Variants in DLG2 observed in about 807,000 individuals in gnomAD.
The protein encoded by DLG2 is disks large homolog 2.
In DLG2, 45 loss-of-function variants were observed where a neutral mutation model predicts 132.5. That is an observed-to-expected ratio of 0.34 (90% CI 0.27 to 0.44). The LOEUF (loss-of-function observed/expected upper bound fraction) is 0.44, where lower values mean the gene tolerates loss of function less well. Ranked by LOEUF, DLG2 falls within the 20% of genes least tolerant of loss-of-function variation. The probability of loss-of-function intolerance (pLI) is 1.00; values close to 1 mark genes in which losing one functional copy is unlikely to be tolerated. For synonymous variants in DLG2, 424 were observed against 419.6 expected (o/e 1.01, Z -0.13); for missense variants, 1,045 against 1,196.9 (o/e 0.87, Z 1.87).
chr11:84,541,986 AT>A (rs1380265457), intron 6 of DLG2, among the ~76,000 whole-genome samples: 1 of 152,192 alleles, frequency 6.6e-6, no homozygotes, highest in Non-Finnish European at 1.5e-5. Flanking sequence ...GGAAGATGGC[AT>A]TTTGCTGGCA....
intron 11 of DLG2, among the ~76,000 whole-genome samples, chr11:84,030,413 T>C (rs1353419053): frequency 1.3e-5 from 2 of 152,150 alleles, no homozygotes; most frequent in South Asian, 2.1e-4. Context: ...AGCTATGATA[T>C]ACAAGTTGAA....
Position 84,317,217 on chromosome 11 carries a change from T to C in DLG2, c.520-65926A>G. On this transcript the variant is annotated intron_variant, in intron 7 of 27. Coordinates refer to ENST00000376104, the MANE Select transcript of DLG2 (RefSeq NM_001142699.3). ...TGTCTCCTCCCTCACACCCCTTTCT[T>C]CCAGCCAGTTGTAAAAGTCTTTTTT... is the stretch of plus-strand genomic sequence containing the variant. The C allele has an allele frequency of 4.6e-6, 7 of 1,526,836 alleles. No individual in the cohort carries two copies. In the South Asian group the frequency reaches 9.0e-5, roughly 20 times the overall value. 94.6% of individuals were successfully genotyped at this position (1,526,836 alleles called of 1,614,324 possible). A position where few individuals can be genotyped will look rare whatever the true frequency, so the allele number is the denominator to read the frequency against.
intron 6 of DLG2, among the ~76,000 whole-genome samples, chr11:84,703,892 G>A (rs1453562692): frequency 3.8e-5 from 4 of 105,950 alleles, no homozygotes; most frequent in African/African-American, 1.6e-4. Context: ...ATACACGTGT[G>A]TGTGTGTGTG....
chr11:84,424,868 A>G (rs998555096), intron 7 of DLG2, among the ~76,000 whole-genome samples: 6 of 152,082 alleles, frequency 3.9e-5, no homozygotes, highest in Non-Finnish European at 8.8e-5. Flanking sequence ...AGGCATGATC[A>G]CAGAGCTCAA....
At chr11:85,027,173 C>CTTTTTTT (rs10571202) in intron 6 of DLG2, among the ~76,000 whole-genome samples, 6 of 69,366 alleles carry the variant, frequency 8.6e-5, no homozygotes, top group Admixed American at 1.9e-4. Context: ...AGTGTGGTCT[C>CTTTTTTT]TTTTTTTTTT....
chr11:84,298,922 G>A lies in DLG2; in HGVS notation c.520-47631C>T, dbSNP rs923499046. Among the ~76,000 whole-genome samples, 50 of 152,312 alleles carry A rather than the reference G, an allele frequency of 3.3e-4. 1 individual carries two copies. Among genetic ancestry groups the A allele is most frequent in the Non-Finnish European group, 1.6e-4 (11 of 68,028 alleles). On this transcript the variant is annotated intron_variant, in intron 7 of 27. Coordinates refer to ENST00000376104, the MANE Select transcript of DLG2 (RefSeq NM_001142699.3). The stretch of plus-strand genomic sequence containing the variant: ...GGGAAATACAGATTGGGGCCAAATT[G>A]AAGACAACCTTGAATGCTTTGCTAG...
chr11:83,537,807 CAAAAAA>C (rs1164386994), intron 20 of DLG2, among the ~76,000 whole-genome samples: 4 of 18,292 alleles, frequency 2.2e-4, no homozygotes, highest in Non-Finnish European at 4.1e-4. Context: ...GACTCTGTCT[CAAAAAA>C]AAAAAAAAAA....
intron 3 of DLG2, among the ~76,000 whole-genome samples, chr11:85,490,911 G>T (rs563217295): frequency 6.6e-6 from 1 of 151,952 alleles, no homozygotes; most frequent in Non-Finnish European, 1.5e-5. Flanking sequence ...GAATTATCCC[G>T]AATTCAATCT....
intron 16 of DLG2, among the ~76,000 whole-genome samples, chr11:83,853,006 G>T (rs1279401757): frequency 6.6e-6 from 1 of 152,158 alleles, no homozygotes; most frequent in African/African-American, 2.4e-5. Context: ...AGCAAAATCT[G>T]AAAGCCAACT....
intron 7 of DLG2, among the ~76,000 whole-genome samples, chr11:84,457,621 C>T (rs570790284): frequency 4.6e-5 from 7 of 151,002 alleles, no homozygotes; most frequent in Non-Finnish European, 7.4e-5. Flanking sequence ...TCTCTTATTT[C>T]CCTGTGAAAA....
chr11:84,306,157 G>A (rs555765849), intron 7 of DLG2, among the ~76,000 whole-genome samples: 10 of 151,926 alleles, frequency 6.6e-5, no homozygotes, highest in Admixed American at 5.9e-4. Flanking sequence ...TGACCACAAA[G>A]AAATAATAGA....
At chr11:85,470,511 T>A (rs1266296001) in intron 3 of DLG2, among the ~76,000 whole-genome samples, 1 of 152,084 alleles carries the variant, frequency 6.6e-6, no homozygotes, top group African/African-American at 2.4e-5. Context: ...TCACTTGAGA[T>A]CAGGAGTTCG....
At chr11:83,728,523 A>G (rs2090432652) in intron 18 of DLG2, among the ~76,000 whole-genome samples, 1 of 152,158 alleles carries the variant, frequency 6.6e-6, no homozygotes. Flanking sequence ...TTCCCATAGC[A>G]TTTCCTATAT....
chr11:84,796,204 C>T (rs926604383), intron 6 of DLG2, among the ~76,000 whole-genome samples: 6 of 152,158 alleles, frequency 3.9e-5, no homozygotes, highest in African/African-American at 1.4e-4. Context: ...ATCAAAACAT[C>T]TCTTGAATTC....
chr11:84,461,393 T>C (rs1033736246), intron 7 of DLG2, among the ~76,000 whole-genome samples: 1 of 150,970 alleles, frequency 6.6e-6, no homozygotes, highest in Non-Finnish European at 1.5e-5. Flanking sequence ...GCCTCTCTGC[T>C]ATGTCTTTTC....
intron 4 of DLG2, among the ~76,000 whole-genome samples, chr11:85,215,505 C>A (rs566681824): frequency 6.6e-6 from 1 of 152,196 alleles, no homozygotes; most frequent in South Asian, 2.1e-4. Context: ...AAAAAGTAGA[C>A]AAAGAGCAAA....
rs552233941 is a variant in DLG2 at position 85,471,136 on chromosome 11, A to G, written c.40+127521T>C. Among the ~76,000 whole-genome samples, 4 of 152,304 alleles carry G rather than the reference A, an allele frequency of 2.6e-5. No individual in the cohort carries two copies. The East Asian group carries it at 5.8e-4, about 22-fold the overall frequency. Reference sequence around the variant, plus strand: ...AATATCAGAGTTCCTTTTCTGCAGTATAGTTCCTGGTACATGTAGAATGAC... The same window carrying G: ...AATATCAGAGTTCCTTTTCTGCAGTGTAGTTCCTGGTACATGTAGAATGAC... On this transcript the variant is annotated intron_variant, in intron 3 of 27. Coordinates refer to ENST00000376104, the MANE Select transcript of DLG2 (RefSeq NM_001142699.3).
intron 6 of DLG2, among the ~76,000 whole-genome samples, chr11:84,704,886 C>T (rs956681819): frequency 6.7e-6 from 1 of 149,004 alleles, no homozygotes; most frequent in Non-Finnish European, 1.5e-5. Flanking sequence ...TATATATACA[C>T]ATTATGTATA....
At chr11:85,211,995 T>C (rs1261980039) in intron 4 of DLG2, among the ~76,000 whole-genome samples, 1 of 151,934 alleles carries the variant, frequency 6.6e-6, no homozygotes, top group Non-Finnish European at 1.5e-5. Flanking sequence ...TCTGCTTATC[T>C]ACCTAATTGT....
Sources: gnomAD v4.1 joint callset for allele counts (sites outside exome capture counted in the v4.1 genomes callset) on GRCh38, gnomAD v4.1.1 for gene constraint, MANE v1.5 for transcripts, NCBI Gene and HGNC (gene_info 2026-07-23, HGNC 2026-07-21) for gene names.